ATP7B: variants seen among roughly 807,000 people sequenced by gnomAD.
ATP7B encodes the protein ATPase copper transporting beta.
Under a neutral mutation model 118.9 loss-of-function variants are expected in ATP7B, and 113 were observed. The ratio of observed to expected loss-of-function variants is 0.95; its 90% CI spans 0.82 to 1.11. ATP7B has a LOEUF of 1.11. Among genes scored for constraint, ATP7B ranks in the 50% most tolerant of loss-of-function variants. The pLI, the probability that ATP7B is intolerant of heterozygous loss-of-function variation, is 0.00. For missense variants in ATP7B, 1,867 were observed against 1,871.4 expected, an observed-to-expected ratio of 1.00 and a Z score of 0.04; for synonymous variants, 777 against 727.4, an observed-to-expected ratio of 1.07 and a Z score of -1.10.
chr13:52,010,567 G>A (rs547588354), intron 1 of ATP7B, among the ~76,000 whole-genome samples: 9 of 152,068 alleles, frequency 5.9e-5, no homozygotes, highest in South Asian at 2.1e-4. Context: ...AAGATATATC[G>A]TTAAACTGAA....
chr13:51,935,398 G>A (rs1279635537), intron 20 of ATP7B, among the ~76,000 whole-genome samples, 195 bp downstream of exon 20: 1 of 152,218 alleles, frequency 6.6e-6, no homozygotes, highest in African/African-American at 2.4e-5. Context: ...GCACGTGAAT[G>A]GGCAGCAGTG....
In ATP7B at chr13:51,949,737, G is replaced by C; in HGVS notation, c.2790C>G (p.Ile930Met). Residue 930 changes from isoleucine (I) to methionine (M), a missense_variant, in exon 12 of 21, where the codon ATC (isoleucine) becomes ATG (methionine). Physicochemically the swap from Ile to Met is conservative, Grantham distance 10. Transcript: ENST00000242839. ...ATACCACCAACGTCAAAGTTGACAT[G>C]ATGATGATAAATGGGACAAAATATC... ...FSGYFVPFIIIMSTLTLVVWI... is the reference protein window; with the variant it reads ...FSGYFVPFIIMMSTLTLVVWI... 1 of 1,614,112 alleles carries C rather than the reference G, an allele frequency of 6.2e-7. No homozygotes were observed. Among genetic ancestry groups the C allele is most frequent in the East Asian group, 2.2e-5 (1 of 44,884 alleles).
rs999517659 is a variant in ATP7B at position 51,991,074 on chromosome 13, G to A, written c.52-15906C>T. Reference sequence around the variant, plus strand: ...CTGCACTCCAGCCTGGCGACGGAGCGAGACTCTGTCTCATATTTAAAGAAA... The same window carrying A: ...CTGCACTCCAGCCTGGCGACGGAGCAAGACTCTGTCTCATATTTAAAGAAA... On this transcript the variant is annotated intron_variant, in intron 1 of 20. Coordinates refer to ENST00000242839, the MANE Select transcript of ATP7B (RefSeq NM_000053.4). Among the ~76,000 whole-genome samples, 4 of 151,476 alleles carry A rather than the reference G, an allele frequency of 2.6e-5. No homozygotes were observed. In the South Asian group the frequency reaches 6.2e-4, roughly 24 times the overall value.
chr13:51,959,501 CCT>C (rs1958589962), intron 7 of ATP7B: 1 of 144,706 alleles, frequency 6.9e-6, no homozygotes, highest in Admixed American at 7.2e-5. Flanking sequence ...AGGGTGAGAC[CCT>C]GTCTCAAAAA....
intron 16 of ATP7B, 117 bp downstream of exon 16, chr13:51,940,964 A>G (rs1957293463): frequency 3.4e-6 from 5 of 1,465,078 alleles, no homozygotes; most frequent in Non-Finnish European, 3.8e-6. Context: ...GCCTGAAATT[A>G]AGAGAGGAAG....
intron 5 of ATP7B, among the ~76,000 whole-genome samples, chr13:51,962,301 C>T (rs528252039): frequency 4.6e-5 from 7 of 152,332 alleles, no homozygotes; most frequent in African/African-American, 7.2e-5. Flanking sequence ...GGACTCAGAG[C>T]TCCAGCCTCC....
intron 13 of ATP7B, among the ~76,000 whole-genome samples, chr13:51,944,672 G>A (rs762708598): frequency 7.9e-5 from 12 of 152,148 alleles, no homozygotes; most frequent in East Asian, 1.9e-4. Flanking sequence ...GCCATCCGCC[G>A]AGCCCAACCT....
chr13:51,943,994 G>T, intron 14 of ATP7B, 115 bp downstream of exon 14: 1 of 1,357,450 alleles, frequency 7.4e-7, no homozygotes, highest in Non-Finnish European at 1.0e-6. Flanking sequence ...GGCCCTCTAA[G>T]TGGTTTTCCA....
intron 14 of ATP7B, among the ~76,000 whole-genome samples, chr13:51,943,496 A>G (rs889911866): frequency 3.9e-5 from 6 of 152,236 alleles, no homozygotes; most frequent in Admixed American, 2.6e-4. Context: ...TACTGCTAAC[A>G]GTATTGCTCA....
rs1238894954 is a variant in ATP7B at position 51,975,031 on chromosome 13, C to T, written c.189G>A (p.Arg63=). 1 of 1,614,250 alleles carries T rather than the reference C, an allele frequency of 6.2e-7. No individual in the cohort carries two copies. The highest frequency in any genetic ancestry group is 8.5e-7 in the Non-Finnish European group (1 of 1,180,042). The change falls in exon 2 of 21, where the codon AGG becomes AGA. Residue 63 remains arginine (R), a synonymous_variant. Coordinates refer to ENST00000242839, the MANE Select transcript of ATP7B (RefSeq NM_000053.4). ...ATGACTGGCAAGTCATGCCCAAGATCCTGACTGTGCTGGTGGCCACCTGAG... is the reference window on the plus strand; with the variant it reads ...ATGACTGGCAAGTCATGCCCAAGATTCTGACTGTGCTGGTGGCCACCTGAG... The part of the protein sequence containing the change: ...PSSQVATSTV[R]ILGMTCQSCV...
Position 52,011,384 on chromosome 13 carries a change from A to G in ATP7B, c.-47T>C. On this transcript the variant is annotated 5_prime_UTR_variant, in exon 1 of 21. Coordinates refer to ENST00000242839, the MANE Select transcript of ATP7B (RefSeq NM_000053.4). ...TCTTCTCTGATCTGGCTCAGAGCAA[A>G]AGGTCACCTGGTCGGTGGAGGAGAG... 1 of 1,613,710 alleles carries G rather than the reference A, an allele frequency of 6.2e-7. No homozygotes were observed. The highest frequency in any genetic ancestry group is 8.5e-7 in the Non-Finnish European group (1 of 1,179,604).
At chr13:51,991,878 C>A (rs1952936030) in intron 1 of ATP7B, among the ~76,000 whole-genome samples, 1 of 152,158 alleles carries the variant, frequency 6.6e-6, no homozygotes, top group Admixed American at 6.5e-5. Flanking sequence ...TCCCCCTTTT[C>A]ATAATTAATT....
At chr13:51,978,741 A>T (rs979554426) in intron 1 of ATP7B, 2 of 152,248 alleles carry the variant, frequency 1.3e-5, no homozygotes, top group Non-Finnish European at 2.9e-5. Context: ...GGCACAGAAA[A>T]TATCATATAT....
intron 5 of ATP7B, among the ~76,000 whole-genome samples, chr13:51,963,973 C>T (rs1267284601): frequency 6.6e-6 from 1 of 151,828 alleles, no homozygotes. Flanking sequence ...AATCTCTTGA[C>T]CTGGGAGGCG....
At chr13:51,937,703 C>A (rs574656843) in intron 17 of ATP7B, 24 bp from the exon 18 acceptor site, 2 of 1,612,562 alleles carry the variant, frequency 1.2e-6, no homozygotes, top group East Asian at 4.5e-5. Flanking sequence ...AAGGCAATGC[C>A]TAGTGTTGGC....
chr13:51,943,915 C>T (rs1184738554), intron 14 of ATP7B, among the ~76,000 whole-genome samples, 194 bp downstream of exon 14: 2 of 151,700 alleles, frequency 1.3e-5, no homozygotes. Context: ...ACACTGAACT[C>T]CCTTTGTGAT....
At position 51,974,486 on chromosome 13, in the gene ATP7B, T is replaced by A; in HGVS notation, c.734A>T (p.Asn245Ile). The stretch of plus-strand genomic sequence containing the variant: ...TCCTTGGTGCCCCAAGGTCTCAGAA[T>A]TATTAAAATTCTGGTTAGCAGAAGA... ...PLSSANQNFNNSETLGHQGSH... is the reference protein window; with the variant it reads ...PLSSANQNFNISETLGHQGSH... The change falls in exon 2 of 21, where the codon AAT becomes ATT. Residue 245 changes from asparagine to isoleucine, a missense_variant. Transcript: ENST00000242839. The A allele has an allele frequency of 3.7e-6, 6 of 1,614,156 alleles. No homozygotes were observed. The highest frequency in any genetic ancestry group is 5.1e-6 in the Non-Finnish European group (6 of 1,180,024).
Position 51,950,318 on chromosome 13 carries a change from C to G in ATP7B, c.2529G>C (p.Gly843=). ...VVPGGKFPVD[G]KVLEGNTMAD... ...CCATGGTATTGCCTTCCAGGACTTT[C>G]CCATCCACTGGAAACTTTCCCCCAG... Residue 843 remains glycine (G), a synonymous_variant, in exon 10 of 21, where the codon GGG becomes GGC. Coordinates refer to ENST00000242839, the MANE Select transcript of ATP7B (RefSeq NM_000053.4). 6.2e-7 allele frequency: 1 copy of G among 1,614,162 alleles called. No homozygotes were observed. Among genetic ancestry groups the G allele is most frequent in the Non-Finnish European group, 8.5e-7 (1 of 1,180,036 alleles).
chr13:51,990,109 T>G (rs1336534033), intron 1 of ATP7B, among the ~76,000 whole-genome samples: 1 of 151,656 alleles, frequency 6.6e-6, no homozygotes, highest in Non-Finnish European at 1.5e-5. Context: ...ATAACATTTA[T>G]TATAACATTA....
Sources: gnomAD v4.1 joint callset for allele counts (sites outside exome capture counted in the v4.1 genomes callset) on GRCh38, gnomAD v4.1.1 for gene constraint, MANE v1.5 for transcripts, NCBI Gene and HGNC (gene_info 2026-07-23, HGNC 2026-07-21) for gene names.